The following WWOX variants were observed in gnomAD, a reference collection of about 807,000 sequenced individuals.
WWOX encodes WW domain-containing oxidoreductase.
Under a neutral mutation model 46.2 loss-of-function variants are expected in WWOX, and 69 were observed. That is an observed-to-expected ratio of 1.49 (90% confidence interval 1.23 to 1.82). The LOEUF is 1.82. Among genes scored for constraint, WWOX ranks in the 40% most tolerant of loss-of-function variants. The pLI is 0.00. For synonymous variants in WWOX, 359 were observed against 202.6 expected (o/e 1.77, Z -6.56); for missense variants, 919 against 542.6 (o/e 1.69, Z -6.89).
chr16:78,736,503 A>G (rs1216205253), intron 8 of WWOX, among the ~76,000 whole-genome samples: 2 of 152,148 alleles, frequency 1.3e-5, no homozygotes, highest in Non-Finnish European at 2.9e-5. Context: ...CTCACATGTG[A>G]CAACACACAT....
chr16:78,814,414 T>C (rs775165778), intron 8 of WWOX, among the ~76,000 whole-genome samples: 6 of 151,974 alleles, frequency 3.9e-5, no homozygotes, highest in Non-Finnish European at 8.8e-5. Flanking sequence ...GTTTCTGTAA[T>C]CCTTACATCC....
At chr16:78,457,359 A>C (rs552951156) in intron 8 of WWOX, among the ~76,000 whole-genome samples, 5 of 152,300 alleles carry the variant, frequency 3.3e-5, no homozygotes, top group South Asian at 2.1e-4. Context: ...GTTCCTTCAA[A>C]GTAATGACTA....
intron 8 of WWOX, among the ~76,000 whole-genome samples, chr16:78,534,933 C>T (rs1051598227): frequency 6.6e-6 from 1 of 152,014 alleles, no homozygotes; most frequent in Non-Finnish European, 1.5e-5. Flanking sequence ...GGGATGGTCT[C>T]GATGTCCTTA....
intron 8 of WWOX, among the ~76,000 whole-genome samples, chr16:78,848,142 A>G (rs2052348145): frequency 6.6e-6 from 1 of 152,216 alleles, no homozygotes. Flanking sequence ...TATAAGAAAA[A>G]TGGTCACTGT....
chr16:78,504,638 G>GA (rs1330336697), intron 8 of WWOX, among the ~76,000 whole-genome samples: 2 of 152,122 alleles, frequency 1.3e-5, no homozygotes, highest in Non-Finnish European at 2.9e-5. Context: ...CAGAACTTAT[G>GA]AAATATGACT....
intron 8 of WWOX, among the ~76,000 whole-genome samples, chr16:79,056,026 A>T (rs948974575): frequency 6.6e-6 from 1 of 152,176 alleles, no homozygotes; most frequent in Admixed American, 6.5e-5. Flanking sequence ...TTTCCATGAA[A>T]TAGAAGGCTT....
chr16:78,689,162 A>T (rs1266680060), intron 8 of WWOX, among the ~76,000 whole-genome samples: 1 of 152,122 alleles, frequency 6.6e-6, no homozygotes, highest in African/African-American at 2.4e-5. Context: ...CCCACCCTCT[A>T]CTTCCACCCC....
At chr16:78,910,410 G>T (rs182621894) in intron 8 of WWOX, among the ~76,000 whole-genome samples, 3 of 152,046 alleles carry the variant, frequency 2.0e-5, no homozygotes, top group East Asian at 1.9e-4. Context: ...TCAAGTCACC[G>T]TGTTATGGGG....
chr16:79,192,645 A>C lies in WWOX; in HGVS notation c.1057-18963A>C, dbSNP rs74038812. On this transcript the variant is annotated intron_variant, in intron 8 of 8. Coordinates refer to ENST00000566780, the MANE Select transcript of WWOX (RefSeq NM_016373.4). ...CTGATTTGTGTGGCCCTATGCTTAC[A>C]AGTGGAGCCTTTCCCTCATTTTTGC... 8.2e-3 allele frequency among the ~76,000 whole-genome samples: 1,254 copies of C among 152,254 alleles called. 10 individuals are homozygous for C. Among genetic ancestry groups the C allele is most frequent in the African/African-American group, 0.029 (1,211 of 41,538 alleles).
chr16:78,824,936 T>C (rs941443540), intron 8 of WWOX, among the ~76,000 whole-genome samples: 3 of 152,180 alleles, frequency 2.0e-5, no homozygotes, highest in Non-Finnish European at 4.4e-5. Context: ...GCTTTTGTTT[T>C]TATTTGTTGT....
intron 8 of WWOX, among the ~76,000 whole-genome samples, chr16:78,483,370 G>A (rs1055946182): frequency 2.8e-5 from 4 of 142,230 alleles, no homozygotes; most frequent in East Asian, 3.9e-4. Flanking sequence ...TGGCTGACAT[G>A]GAAGATTTTT....
intron 8 of WWOX, among the ~76,000 whole-genome samples, chr16:78,560,710 A>C (rs942440169): frequency 6.6e-6 from 1 of 152,192 alleles, no homozygotes; most frequent in Non-Finnish European, 1.5e-5. Context: ...TTTTGAAACC[A>C]GTTCTTAAGC....
intron 8 of WWOX, among the ~76,000 whole-genome samples, chr16:78,834,092 G>A (rs73577483): frequency 1.7e-4 from 26 of 152,316 alleles, no homozygotes; most frequent in South Asian, 1.0e-3. Flanking sequence ...TCCAGCTGTC[G>A]AACGTCTGGA....
At chr16:79,151,729 G>A (rs1194626951) in intron 8 of WWOX, among the ~76,000 whole-genome samples, 5 of 152,160 alleles carry the variant, frequency 3.3e-5, no homozygotes, top group African/African-American at 1.2e-4. Context: ...TCTCCGAACG[G>A]CCTGCCAGGG....
At chr16:78,936,244 C>T (rs1369978548) in intron 8 of WWOX, among the ~76,000 whole-genome samples, 2 of 152,000 alleles carry the variant, frequency 1.3e-5, no homozygotes, top group East Asian at 1.9e-4. Flanking sequence ...CTGTGTATGC[C>T]CTCTGTACCT....
intron 8 of WWOX, among the ~76,000 whole-genome samples, chr16:78,491,291 G>A (rs2084778383): frequency 6.6e-6 from 1 of 150,850 alleles, no homozygotes; most frequent in Non-Finnish European, 1.5e-5. Flanking sequence ...CTGGTTACAA[G>A]GTCATCTTTT....
chr16:78,213,250 C>CAA (rs3041524), intron 5 of WWOX, among the ~76,000 whole-genome samples: 1,842 of 96,964 alleles, frequency 0.019, 51 homozygotes, highest in African/African-American at 0.064. Context: ...GACTGTATCT[C>CAA]AAAAAAAAAA....
intron 5 of WWOX, among the ~76,000 whole-genome samples, chr16:78,185,008 C>G (rs942503760): frequency 2.0e-5 from 3 of 152,168 alleles, no homozygotes; most frequent in African/African-American, 7.2e-5. Flanking sequence ...CACAGAGCAG[C>G]CTGCACTGCT....
chr16:78,479,663 G>C (rs1340547701), intron 8 of WWOX, among the ~76,000 whole-genome samples: 1 of 152,150 alleles, frequency 6.6e-6, no homozygotes, highest in Non-Finnish European at 1.5e-5. Flanking sequence ...TTGACATGGA[G>C]GTTCATCTGT....
Sources: gnomAD v4.1 joint callset for allele counts (sites outside exome capture counted in the v4.1 genomes callset) on GRCh38, gnomAD v4.1.1 for gene constraint, MANE v1.5 for transcripts, NCBI Gene and HGNC (gene_info 2026-07-23, HGNC 2026-07-21) for gene names.